RBM39: variants seen among roughly 807,000 people sequenced by gnomAD.
RBM39 encodes RNA-binding protein 39.
A neutral mutation model predicts 79.6 loss-of-function variants in RBM39; 12 were observed. The observed-to-expected ratio is 0.15, with a 90% CI of 0.10 to 0.24. The LOEUF is 0.24. Among genes scored for constraint, RBM39 ranks in the 10% least tolerant of loss-of-function variants. The pLI is 1.00. For synonymous variants in RBM39, 185 were observed against 208.4 expected (o/e 0.89, Z 0.97); for missense variants, 243 against 653.4 (o/e 0.37, Z 6.85).
chr20:35,719,554 G>GT (rs1424891441), intron 9 of RBM39, among the ~76,000 whole-genome samples: 1 of 151,890 alleles, frequency 6.6e-6, no homozygotes. Context: ...GTCAGAGCCT[G>GT]TAATCCCAGC....
chr20:35,716,710 CT>C (rs1437958427), intron 10 of RBM39, 29 bp downstream of exon 10: 1 of 1,340,842 alleles, frequency 7.5e-7, no homozygotes, highest in Non-Finnish European at 1.0e-6. Flanking sequence ...AAAAAAAACC[CT>C]AAGTAATATA....
intron 6 of RBM39, among the ~76,000 whole-genome samples, chr20:35,729,088 T>G (rs1462108998): frequency 6.6e-6 from 1 of 151,478 alleles, no homozygotes; most frequent in East Asian, 2.0e-4. Flanking sequence ...AATAAATAAA[T>G]AAATAAATAA....
At chr20:35,712,775 C>T (rs1015336073) in intron 12 of RBM39, among the ~76,000 whole-genome samples, 2 of 152,010 alleles carry the variant, frequency 1.3e-5, no homozygotes, top group Non-Finnish European at 2.9e-5. Flanking sequence ...TGAAAATAAA[C>T]TTATGTCAAT....
chr20:35,718,813 C>CAACA (rs2037509751), intron 9 of RBM39, among the ~76,000 whole-genome samples: 1 of 37,880 alleles, frequency 2.6e-5, no homozygotes. Flanking sequence ...TACTCCATCT[C>CAACA]AAAAAAAAAA....
intron 9 of RBM39, among the ~76,000 whole-genome samples, chr20:35,717,075 T>A: frequency 6.6e-6 from 1 of 151,498 alleles, no homozygotes; most frequent in Admixed American, 6.6e-5. Flanking sequence ...AGGTCAGGAG[T>A]TTGGGACCAG....
At chr20:35,720,643 C>T (rs2037794400) in intron 9 of RBM39, among the ~76,000 whole-genome samples, 1 of 151,584 alleles carries the variant, frequency 6.6e-6, no homozygotes, top group East Asian at 1.9e-4. Flanking sequence ...TGATGGCAGG[C>T]ACCTGTAAAC....
chr20:35,734,408 GA>G, intron 3 of RBM39: 5 of 316,960 alleles, frequency 1.6e-5, no homozygotes, highest in South Asian at 1.4e-4. Flanking sequence ...TGTTGCCTAA[GA>G]AACCTAACAC....
chr20:35,734,743 G>C, intron 3 of RBM39: 2 of 1,182,562 alleles, frequency 1.7e-6, no homozygotes, highest in African/African-American at 3.2e-5. Flanking sequence ...AACATACTAA[G>C]ACATTCAGAA....
chr20:35,724,420 T>C (rs886901388), intron 8 of RBM39, 150 bp downstream of exon 8: 2 of 635,628 alleles, frequency 3.1e-6, no homozygotes, highest in South Asian at 3.5e-5. Flanking sequence ...TCAATGTTAA[T>C]AAACGCAAAG....
chr20:35,741,030 CTTTTT>C (rs572102658), intron 1 of RBM39, 143 bp from the exon 2 acceptor site: 3,503 of 126,914 alleles, frequency 0.028, no homozygotes, highest in Middle Eastern at 0.06. Flanking sequence ...AAACATTTTT[CTTTTT>C]TTTTTTTTTT....
At chr20:35,706,285 T>C (rs1222342884) in intron 14 of RBM39, among the ~76,000 whole-genome samples, 1 of 152,160 alleles carries the variant, frequency 6.6e-6, no homozygotes, top group Admixed American at 6.5e-5. Context: ...TGAGCTAAGA[T>C]AGAGCCGGTG....
At position 35,732,222 on chromosome 20, in the gene RBM39, T is replaced by A. The variant is rs997081883; in HGVS notation, c.102-87A>T. The A allele has an allele frequency of 4.1e-6, 5 of 1,233,404 alleles. No individual in the cohort carries two copies. The African/African-American group carries it at 6.1e-5, about 15-fold the overall frequency. 76.4% of individuals were successfully genotyped at this position (1,233,404 alleles called of 1,614,324 possible). ...TTTTATGGCCAGAATCATTTTTTCA[T>A]CCTTTCATAAATTTCTTTGGCTAGT... On this transcript the variant is annotated intron_variant, in intron 3 of 16. Coordinates refer to ENST00000253363, the MANE Select transcript of RBM39 (RefSeq NM_184234.3).
At chr20:35,715,708 A>G (rs2037026738) in intron 10 of RBM39, among the ~76,000 whole-genome samples, 2 of 152,234 alleles carry the variant, frequency 1.3e-5, no homozygotes, top group Non-Finnish European at 2.9e-5. Context: ...CAGTAATATA[A>G]TTTGGATCCT....
rs373512867 is a variant in RBM39, at chr20:35,729,378, A to T, written c.363-13T>A. The T allele has an allele frequency of 2.2e-5, 36 of 1,605,492 alleles. No homozygotes were observed. The African/African-American group carries it at 4.0e-4, about 18-fold the overall frequency. ...GGAACGTCGTCTGCTGCAAAGTTAAAAAGTTTCAGAAGTTATCCAAACAAG... is the reference window on the plus strand; with the variant it reads ...GGAACGTCGTCTGCTGCAAAGTTAATAAGTTTCAGAAGTTATCCAAACAAG... On this transcript the variant is annotated splice_polypyrimidine_tract_variant and intron_variant, in intron 5 of 16. Transcript: ENST00000253363.
At chr20:35,724,504 T>C in intron 8 of RBM39, 66 bp downstream of exon 8, 1 of 1,529,344 alleles carries the variant, frequency 6.5e-7, no homozygotes, top group Admixed American at 1.7e-5. Context: ...ACAACAGCAC[T>C]ATACCATGCA....
In RBM39 at chr20:35,732,129, T is replaced by A. The variant is rs760622488; in HGVS notation, c.108A>T (p.Lys36Asn). The A allele has an allele frequency of 6.2e-7, 1 of 1,614,132 alleles. No homozygotes were observed. The highest frequency in any genetic ancestry group is 8.5e-7 in the Non-Finnish European group (1 of 1,180,028). ...NGHEERSKKR[K>N]KSKSRSRSHE... Reference sequence around the variant, plus strand: ...GACTACGACTTCTGCTCTTGCTTTTTTTCCTCCTGAGAAGAAAAAAACTCG... The same window carrying A: ...GACTACGACTTCTGCTCTTGCTTTTATTCCTCCTGAGAAGAAAAAAACTCG... The change falls in exon 4 of 17, where the codon AAA becomes AAT. Residue 36 changes from lysine (K) to asparagine (N), a missense_variant. By Grantham distance (94) the Lys-to-Asn change is moderately conservative (BLOSUM62 0). This residue lies in a region of RBM39 where 115 missense variants were observed against 184.1 expected (regional missense o/e 0.62). Transcript: ENST00000253363.
intron 12 of RBM39, among the ~76,000 whole-genome samples, chr20:35,712,604 T>C (rs552412255): frequency 6.6e-6 from 1 of 152,176 alleles, no homozygotes; most frequent in South Asian, 2.1e-4. Context: ...TAAATTTTTA[T>C]GTACTATAAA....
At chr20:35,734,580 C>A in intron 3 of RBM39, 1 of 240,594 alleles carries the variant, frequency 4.2e-6, no homozygotes, top group Non-Finnish European at 8.0e-6. Flanking sequence ...AGGCAACCAA[C>A]CTATTTACCT....
rs1440477612 is a variant in RBM39, at chr20:35,702,594, C to CA, written c.*1886dup. The stretch of plus-strand genomic sequence containing the variant: ...ATACTTTGGAAAAAGAGCACACTGA[C>CA]AGAGTGTCTCTGCCCCAAAGAACTC... On this transcript the variant is annotated 3_prime_UTR_variant, in exon 17 of 17. Transcript: ENST00000253363. The CA allele has an allele frequency of 3.9e-5, 6 of 152,218 alleles. No homozygotes were observed. Among genetic ancestry groups the CA allele is most frequent in the African/African-American group, 7.2e-5 (3 of 41,444 alleles). The allele number at this position is 152,218 out of a possible 1,614,324, so 9.4% of individuals were successfully genotyped here. A position where few individuals can be genotyped will look rare whatever the true frequency, so the allele number is the denominator to read the frequency against.
Sources: gnomAD v4.1 joint callset for allele counts (sites outside exome capture counted in the v4.1 genomes callset) on GRCh38, gnomAD v4.1.1 for gene constraint, gnomAD v4.1.1 regional missense constraint, MANE v1.5 for transcripts, NCBI Gene and HGNC (gene_info 2026-07-23, HGNC 2026-07-21) for gene names.